The following TMEM51 variants were observed in gnomAD, a reference collection of about 807,000 sequenced individuals.
TMEM51 encodes transmembrane protein 51, also known as chromosome 1 open reading frame 72.
Under a neutral mutation model 13.6 loss-of-function variants are expected in TMEM51, and 8 were observed. The ratio of observed to expected loss-of-function variants is 0.59; its 90% confidence interval spans 0.35 to 1.07. The LOEUF (loss-of-function observed/expected upper bound fraction) is 1.07. Among genes scored for constraint, TMEM51 ranks in the 50% least tolerant of loss-of-function variants. The pLI is 0.02. For missense variants in TMEM51, 279 were observed against 330.7 expected (o/e 0.84, Z 1.21); for synonymous variants, 147 against 144.4 (o/e 1.02, Z -0.13).
At chr1:15,156,484 C>T (rs900027907) in intron 1 of TMEM51, among the ~76,000 whole-genome samples, 24 of 152,194 alleles carry the variant, frequency 1.6e-4, no homozygotes, top group African/African-American at 5.1e-4. Flanking sequence ...AGCATTGTCT[C>T]CCTCGGTGCT....
chr1:15,176,859 A>T (rs888381582), intron 1 of TMEM51, among the ~76,000 whole-genome samples: 2 of 152,202 alleles, frequency 1.3e-5, no homozygotes, highest in African/African-American at 4.8e-5. Flanking sequence ...GAAGACTTAG[A>T]GGAGTCAGTT....
intron 1 of TMEM51, among the ~76,000 whole-genome samples, chr1:15,198,598 A>C (rs1279962060): frequency 2.0e-5 from 3 of 152,022 alleles, no homozygotes; most frequent in Admixed American, 1.3e-4. Flanking sequence ...TTGTATTTTT[A>C]GTAGAGACGG....
intron 1 of TMEM51, among the ~76,000 whole-genome samples, chr1:15,176,518 T>A (rs1573397103): frequency 1.3e-5 from 2 of 151,890 alleles, no homozygotes; most frequent in African/African-American, 4.8e-5. Context: ...CAGGATGGGG[T>A]AGGGGAGGAG....
intron 1 of TMEM51, among the ~76,000 whole-genome samples, chr1:15,160,670 G>C (rs1461472053): frequency 6.6e-6 from 1 of 152,080 alleles, no homozygotes; most frequent in Non-Finnish European, 1.5e-5. Context: ...CTGCAATTTG[G>C]AGAGAAGCAG....
chr1:15,171,233 G>A, intron 1 of TMEM51: 2 of 1,304,104 alleles, frequency 1.5e-6, no homozygotes, highest in Non-Finnish European at 1.0e-6. Flanking sequence ...CTGGAAGATC[G>A]CTGTTTGAGA....
intron 1 of TMEM51, among the ~76,000 whole-genome samples, chr1:15,188,654 A>G (rs1285677791): frequency 6.6e-6 from 1 of 152,232 alleles, no homozygotes; most frequent in Non-Finnish European, 1.5e-5. Context: ...AACAAGAAGC[A>G]TTCCTCAGTT....
At chr1:15,163,079 CAGAT>C (rs1306470630) in intron 1 of TMEM51, among the ~76,000 whole-genome samples, 1 of 151,942 alleles carries the variant, frequency 6.6e-6, no homozygotes, top group East Asian at 1.9e-4. Flanking sequence ...AAACAAGACT[CAGAT>C]AGTCATTTGG....
Position 15,219,545 on chromosome 1 carries a change from C to G in TMEM51, c.564C>G (p.Asp188Glu), listed in dbSNP as rs542541607. Residue 188 changes from aspartate to glutamate, a missense_variant, in exon 4 of 4, where the codon GAC becomes GAG. Transcript: ENST00000376008. Reference sequence around the variant, plus strand: ...AGGCCAGCCCTGGGAACCCCCCTGACAGGCAGAACTCTAAGTTGGCCAAAC... The same window carrying G: ...AGGCCAGCCCTGGGAACCCCCCTGAGAGGCAGAACTCTAAGTTGGCCAAAC... ...DVEASPGNPPDRQNSKLAKRL... is the reference protein window; with the variant it reads ...DVEASPGNPPERQNSKLAKRL... The G allele has an allele frequency of 6.8e-6, 11 of 1,614,120 alleles. No homozygotes were observed. The South Asian group carries it at 1.1e-4, about 16-fold the overall frequency.
chr1:15,202,860 G>T (rs1168243511), intron 1 of TMEM51, among the ~76,000 whole-genome samples: 1 of 152,182 alleles, frequency 6.6e-6, no homozygotes, highest in Non-Finnish European at 1.5e-5. Flanking sequence ...GAAACACAGG[G>T]TGGTGAGCAG....
At chr1:15,156,543 G>C (rs752242211) in intron 1 of TMEM51, among the ~76,000 whole-genome samples, 1 of 152,208 alleles carries the variant, frequency 6.6e-6, no homozygotes, top group African/African-American at 2.4e-5. Context: ...ATGTGGTATG[G>C]GGGCTGCTGA....
intron 1 of TMEM51, among the ~76,000 whole-genome samples, chr1:15,180,546 T>C (rs996379349): frequency 3.9e-5 from 6 of 152,214 alleles, no homozygotes; most frequent in Non-Finnish European, 7.3e-5. Flanking sequence ...ATAGACACTA[T>C]GCTGATTGTT....
At chr1:15,163,115 A>G (rs544973435) in intron 1 of TMEM51, among the ~76,000 whole-genome samples, 1 of 152,142 alleles carries the variant, frequency 6.6e-6, no homozygotes, top group Admixed American at 6.5e-5. Flanking sequence ...CGTTCTCTCT[A>G]CAGACCAGGT....
chr1:15,219,310 G>A lies in TMEM51; in HGVS notation c.345-16G>A. ...GCACAGGCTAACACTCTCCCTGTCT[G>A]TGTGTCTTCTTGCAGCCAGGAGGAA... is the stretch of plus-strand genomic sequence containing the variant. On this transcript the variant is annotated splice_polypyrimidine_tract_variant and intron_variant, in intron 3 of 3. Transcript: ENST00000376008. The A allele has an allele frequency of 6.4e-7, 1 of 1,563,430 alleles. No homozygotes were observed. The highest frequency in any genetic ancestry group is 8.7e-7 in the Non-Finnish European group (1 of 1,153,254).
chr1:15,219,350 G>A lies in TMEM51; in HGVS notation c.369G>A (p.Glu123=). Residue 123 remains glutamate, a synonymous_variant, in exon 4 of 4, where the codon GAG becomes GAA. Coordinates refer to ENST00000376008, the MANE Select transcript of TMEM51 (RefSeq NM_001136218.2). Reference sequence around the variant, plus strand: ...GCCAGGAGGAAGAAGAGGAGGATGAGGAGGCTGCCTCAAGGTACTATGTTC... The same window carrying A: ...GCCAGGAGGAAGAAGAGGAGGATGAAGAGGCTGCCTCAAGGTACTATGTTC... ...EDSQEEEEED[E]EAASRYYVPS... 8 of 1,591,778 alleles carry A rather than the reference G, an allele frequency of 5.0e-6. No individual in the cohort carries two copies. Among genetic ancestry groups the A allele is most frequent in the Non-Finnish European group, 6.9e-6 (8 of 1,165,762 alleles).
intron 1 of TMEM51, among the ~76,000 whole-genome samples, chr1:15,167,110 G>T (rs1211866446): frequency 6.6e-6 from 1 of 151,968 alleles, no homozygotes; most frequent in South Asian, 2.1e-4. Flanking sequence ...GGCAGATCAC[G>T]AGGTCAGGAG....
rs1228059423 is a variant in TMEM51 at position 15,200,447 on chromosome 1, C to CAGAGACACA, written c.-266-10042_-266-10034dup. ...AAAAAAAAAAAGAGAGAGATTAGGA[C>CAGAGACACA]AGAGACACACACGGAGGGACAACCG... On this transcript the variant is annotated intron_variant, in intron 1 of 3. Coordinates refer to ENST00000376008, the MANE Select transcript of TMEM51 (RefSeq NM_001136218.2). Among the ~76,000 whole-genome samples, 6 of 141,002 alleles carry CAGAGACACA rather than the reference C, an allele frequency of 4.3e-5. No individual in the cohort carries two copies. The Admixed American group carries it at 4.3e-4, about 10-fold the overall frequency. 92.5% of individuals were successfully genotyped at this position (141,002 alleles called of 152,430 possible).
intron 1 of TMEM51, among the ~76,000 whole-genome samples, chr1:15,172,727 T>C (rs557188907): frequency 6.6e-6 from 1 of 152,354 alleles, no homozygotes; most frequent in East Asian, 1.9e-4. Flanking sequence ...AAATATTAAA[T>C]GGAAAATTCC....
chr1:15,197,248 G>A (rs1573428787), intron 1 of TMEM51, among the ~76,000 whole-genome samples: 1 of 152,210 alleles, frequency 6.6e-6, no homozygotes, highest in Non-Finnish European at 1.5e-5. Flanking sequence ...CCAGGCCTGG[G>A]CATGTGCCTG....
At chr1:15,170,358 C>CTTT (rs34604282) in intron 1 of TMEM51, among the ~76,000 whole-genome samples, 3 of 145,152 alleles carry the variant, frequency 2.1e-5, no homozygotes, top group Non-Finnish European at 4.5e-5. Flanking sequence ...TTTTTTTTAT[C>CTTT]TTTTTTTTTT....
Sources: gnomAD v4.1 joint callset for allele counts (sites outside exome capture counted in the v4.1 genomes callset) on GRCh38, gnomAD v4.1.1 for gene constraint, MANE v1.5 for transcripts, NCBI Gene and HGNC (gene_info 2026-07-23, HGNC 2026-07-21) for gene names.